GBE1: variants seen among roughly 807,000 people sequenced by gnomAD.
GBE1 encodes the protein 1,4-alpha-glucan-branching enzyme.
GBE1 carries 70 observed loss-of-function variants against 88.8 expected under a neutral mutation model. The observed-to-expected ratio is 0.79, with a 90% CI of 0.65 to 0.96. The LOEUF (loss-of-function observed/expected upper bound fraction) is 0.96. GBE1 is among the 40% of genes least tolerant of loss of function. The pLI, the probability that GBE1 is intolerant of heterozygous loss-of-function variation, is 0.00. For synonymous variants in GBE1, 284 were observed against 300.1 expected, an observed-to-expected ratio of 0.95 and a Z score of 0.56; for missense variants, 872 against 871.0, an observed-to-expected ratio of 1.00 and a Z score of -0.01.
At chr3:81,704,433 G>A (rs1559693539) in intron 2 of GBE1, among the ~76,000 whole-genome samples, 1 of 151,832 alleles carries the variant, frequency 6.6e-6, no homozygotes, top group South Asian at 2.1e-4. Flanking sequence ...CCACAATCAG[G>A]ATATAAAACA....
At chr3:81,643,888 G>T (rs533424414) in intron 6 of GBE1, among the ~76,000 whole-genome samples, 30 of 152,184 alleles carry the variant, frequency 2.0e-4, no homozygotes, top group Admixed American at 3.3e-4. Context: ...TCATCCCAGG[G>T]TGAAGACCAT....
chr3:81,751,586 C>A (rs1465435118), intron 1 of GBE1, among the ~76,000 whole-genome samples: 5 of 152,234 alleles, frequency 3.3e-5, no homozygotes, highest in Non-Finnish European at 7.3e-5. Flanking sequence ...TGGTGCCAAG[C>A]TGTGCCCAAT....
intron 7 of GBE1, 64 bp from the exon 8 acceptor site, chr3:81,594,087 A>T (rs1206303249): frequency 1.4e-6 from 1 of 691,202 alleles, no homozygotes; most frequent in East Asian, 3.0e-5. Flanking sequence ...AACTGTTATA[A>T]ATGTTTGCTA....
chr3:81,605,866 C>T (rs935710102), intron 7 of GBE1, among the ~76,000 whole-genome samples: 6 of 152,138 alleles, frequency 3.9e-5, no homozygotes, highest in African/African-American at 1.4e-4. Flanking sequence ...GCAGCACTCA[C>T]ACTTGGCCCA....
At chr3:81,531,334 G>A (rs2106863687) in intron 14 of GBE1, among the ~76,000 whole-genome samples, 1 of 151,930 alleles carries the variant, frequency 6.6e-6, no homozygotes, top group East Asian at 2.0e-4. Flanking sequence ...TGGCTGAGCT[G>A]ATCCCCAAGT....
Position 81,750,568 on chromosome 3 carries a change from TATATATAC to T in GBE1, c.143+10799_143+10806del, listed in dbSNP as rs1273551375. Among the ~76,000 whole-genome samples, 29 of 66,036 alleles carry T rather than the reference TATATATAC, an allele frequency of 4.4e-4. 3 individuals are homozygous for T. Among genetic ancestry groups the T allele is most frequent in the Admixed American group, 4.0e-3 (25 of 6,232 alleles). The allele number at this position is 66,036 out of a possible 152,430, so 43.3% of individuals were successfully genotyped here. ...ATATATATGTATATATATATGTATATATATATACGTATATATATACGTATATATATATG... is the reference window on the plus strand; with the variant it reads ...ATATATATGTATATATATATGTATATGTATATATATACGTATATATATATG... On this transcript the variant is annotated intron_variant, in intron 1 of 15. Coordinates refer to ENST00000429644, the MANE Select transcript of GBE1 (RefSeq NM_000158.4).
At chr3:81,705,264 A>T (rs1394181213) in intron 2 of GBE1, among the ~76,000 whole-genome samples, 180 bp downstream of exon 2, 1 of 152,154 alleles carries the variant, frequency 6.6e-6, no homozygotes, top group East Asian at 1.9e-4. Context: ...ATATCACATT[A>T]TAACAGAAAC....
intron 1 of GBE1, among the ~76,000 whole-genome samples, chr3:81,718,278 C>A (rs1705970488): frequency 6.6e-6 from 1 of 151,674 alleles, no homozygotes; most frequent in African/African-American, 2.4e-5. Flanking sequence ...CTGTGCCTGG[C>A]CAACACAGAA....
chr3:81,583,649 G>C (rs968419889), intron 10 of GBE1, among the ~76,000 whole-genome samples: 3 of 152,012 alleles, frequency 2.0e-5, no homozygotes, highest in Non-Finnish European at 4.4e-5. Context: ...ATCCAGAAAG[G>C]TCACAAACTG....
chr3:81,549,642 T>A (rs565428275), intron 12 of GBE1, among the ~76,000 whole-genome samples: 1 of 151,458 alleles, frequency 6.6e-6, no homozygotes, highest in East Asian at 1.9e-4. Flanking sequence ...ATCCAACTCA[T>A]AGATGTCTGA....
At chr3:81,543,906 A>T (rs1451433044) in intron 12 of GBE1, among the ~76,000 whole-genome samples, 1 of 152,166 alleles carries the variant, frequency 6.6e-6, no homozygotes, top group African/African-American at 2.4e-5. Flanking sequence ...ATAGGTACAC[A>T]TATGTACATA....
chr3:81,612,194 T>C (rs1704190207), intron 7 of GBE1: 2 of 329,344 alleles, frequency 6.1e-6, no homozygotes, highest in Non-Finnish European at 1.1e-5. Flanking sequence ...TCATGCCACT[T>C]TTACAGTGTT....
chr3:81,545,055 C>T (rs1292149666), intron 12 of GBE1, among the ~76,000 whole-genome samples: 3 of 152,048 alleles, frequency 2.0e-5, no homozygotes, highest in East Asian at 3.9e-4. Flanking sequence ...AATATAAAAA[C>T]GTTAGCGCCT....
chr3:81,663,662 C>A (rs935982526), intron 3 of GBE1, among the ~76,000 whole-genome samples: 3 of 152,144 alleles, frequency 2.0e-5, no homozygotes, highest in African/African-American at 7.2e-5. Flanking sequence ...TCTAATTGAG[C>A]TGGTTAACAC....
At chr3:81,531,466 T>G (rs970463147) in intron 14 of GBE1, among the ~76,000 whole-genome samples, 1 of 151,978 alleles carries the variant, frequency 6.6e-6, no homozygotes, top group African/African-American at 2.4e-5. Flanking sequence ...CTGGGTCTCA[T>G]CAAAGGCCTG....
chr3:81,731,842 A>G (rs1432509260), intron 1 of GBE1, among the ~76,000 whole-genome samples: 1 of 152,154 alleles, frequency 6.6e-6, no homozygotes, highest in Non-Finnish European at 1.5e-5. Context: ...CCATGAGCCA[A>G]TTAAACTTCT....
At position 81,750,539 on chromosome 3, in the gene GBE1, GTATATATATATGTATATATATATGTA is replaced by G. The variant is rs1201424232; in HGVS notation, c.143+10810_143+10835del. Among the ~76,000 whole-genome samples, 62 of 66,400 alleles carry G rather than the reference GTATATATATATGTATATATATATGTA, an allele frequency of 9.3e-4. 3 individuals are homozygous for G. The South Asian group carries it at 0.02, about 22-fold the overall frequency. 43.6% of individuals were successfully genotyped at this position (66,400 alleles called of 152,430 possible). On this transcript the variant is annotated intron_variant, in intron 1 of 15. Transcript: ENST00000429644. ...TCAAAACATTCATATATATATATAC[GTATATATATATGTATATATATATGTA>G]TATATATATACGTATATATATACGT... is the stretch of plus-strand genomic sequence containing the variant.
At chr3:81,692,938 A>C (rs758128256) in intron 2 of GBE1, among the ~76,000 whole-genome samples, 2 of 152,186 alleles carry the variant, frequency 1.3e-5, no homozygotes, top group Non-Finnish European at 2.9e-5. Flanking sequence ...CTCTGACTCC[A>C]TTATCTCTCT....
At chr3:81,570,352 T>A (rs1703556586) in intron 12 of GBE1, among the ~76,000 whole-genome samples, 1 of 152,168 alleles carries the variant, frequency 6.6e-6, no homozygotes, top group Admixed American at 6.5e-5. Context: ...TCATAACTGA[T>A]CTATTGGCTC....
Sources: gnomAD v4.1 joint callset for allele counts (sites outside exome capture counted in the v4.1 genomes callset) on GRCh38, gnomAD v4.1.1 for gene constraint, MANE v1.5 for transcripts, NCBI Gene and HGNC (gene_info 2026-07-23, HGNC 2026-07-21) for gene names.